The following SUN1 variants were observed in gnomAD, a reference collection of about 807,000 sequenced individuals.
SUN1 encodes SUN domain-containing protein 1.
A neutral mutation model predicts 103.2 loss-of-function variants in SUN1; 61 were observed. The observed-to-expected ratio is 0.59, with a 90% confidence interval of 0.48 to 0.73. SUN1 has a LOEUF of 0.73. Ranked by LOEUF, SUN1 falls within the 30% of genes least tolerant of loss-of-function variation. The pLI, the probability that SUN1 is intolerant of heterozygous loss-of-function variation, is 0.00. For missense variants in SUN1, 1,052 were observed against 1,034.6 expected (o/e 1.02, Z -0.23); for synonymous variants, 490 against 425.7 (o/e 1.15, Z -1.86).
upstream of SUN1, among the ~76,000 whole-genome samples, chr7:828,242 G>A (rs10237857): frequency 0.18 from 25,265 of 137,358 alleles, 2,499 homozygotes; most frequent in East Asian, 0.36. Context: ...ATATATGTAT[G>A]TTTTTGTTTT....
chr7:827,358 T>G (rs1793171571), intron 1 of SUN1, among the ~76,000 whole-genome samples: 1 of 151,778 alleles, frequency 6.6e-6, no homozygotes, highest in Non-Finnish European at 1.5e-5. Context: ...TTTTCAGCCT[T>G]GTATGAAGAT....
chr7:863,648 C>A (rs79820034), intron 15 of SUN1, among the ~76,000 whole-genome samples: 5,320 of 152,268 alleles, frequency 0.035, 314 homozygotes, highest in African/African-American at 0.12. Flanking sequence ...CCGCAAGTAG[C>A]CATCCTCACA....
intron 7 of SUN1, 50 bp downstream of exon 7, chr7:852,093 G>A: frequency 6.7e-7 from 1 of 1,499,152 alleles, no homozygotes; most frequent in Non-Finnish European, 9.3e-7. Context: ...AACCAATTTT[G>A]TGCCAATTGC....
chr7:821,264 T>G (rs1785725837), intron 1 of SUN1, among the ~76,000 whole-genome samples: 2 of 142,240 alleles, frequency 1.4e-5, no homozygotes, highest in African/African-American at 5.2e-5. Context: ...CTGCCTCCCA[T>G]GTTCAAGTGA....
intron 3 of SUN1, 59 bp downstream of exon 3, chr7:842,189 G>C: frequency 6.4e-7 from 1 of 1,574,346 alleles, no homozygotes; most frequent in Middle Eastern, 1.8e-4. Flanking sequence ...CTCAGATTAT[G>C]CTGGGGAGAG....
intron 1 of SUN1, among the ~76,000 whole-genome samples, chr7:824,788 T>C (rs6951803): frequency 0.016 from 2,454 of 152,256 alleles, 83 homozygotes; most frequent in African/African-American, 0.056. Context: ...GCATCTTGGC[T>C]AGGAACTATC....
At chr7:844,356 G>A (rs1813094339) in intron 5 of SUN1, among the ~76,000 whole-genome samples, 1 of 152,244 alleles carries the variant, frequency 6.6e-6, no homozygotes, top group Non-Finnish European at 1.5e-5. Flanking sequence ...GTGCCTGGAG[G>A]TGCTGGAAGC....
chr7:837,801 G>A (rs1236017462), intron 1 of SUN1, among the ~76,000 whole-genome samples: 1 of 152,244 alleles, frequency 6.6e-6, no homozygotes, highest in Admixed American at 6.5e-5. Flanking sequence ...ATACCTGTCT[G>A]TAGGAACCAT....
At chr7:834,518 C>A (rs1481862256) in intron 1 of SUN1, among the ~76,000 whole-genome samples, 1 of 152,200 alleles carries the variant, frequency 6.6e-6, no homozygotes, top group African/African-American at 2.4e-5. Flanking sequence ...CTCCCGCAGA[C>A]CTTGCCACCT....
chr7:848,751 C>G (rs569082452), intron 5 of SUN1: 25 of 485,758 alleles, frequency 5.1e-5, no homozygotes, highest in Admixed American at 1.7e-4. Context: ...CCTGGCTTCC[C>G]CCTCTGGATC....
chr7:833,928 CCT>C (rs1259602856), intron 1 of SUN1, among the ~76,000 whole-genome samples: 1 of 152,188 alleles, frequency 6.6e-6, no homozygotes, highest in African/African-American at 2.4e-5. Flanking sequence ...TTTTAAAATG[CCT>C]CTGTTTCTTT....
intron 17 of SUN1, 26 bp from the exon 18 acceptor site, chr7:872,444 A>G (rs1347493063): frequency 1.9e-6 from 3 of 1,569,148 alleles, no homozygotes; most frequent in Non-Finnish European, 2.6e-6. Flanking sequence ...CCATTCGTTC[A>G]TAATTGTGTA....
intron 12 of SUN1, among the ~76,000 whole-genome samples, chr7:856,610 C>T (rs1297789678): frequency 1.3e-5 from 2 of 152,132 alleles, no homozygotes; most frequent in African/African-American, 2.4e-5. Context: ...CTCCACGCGG[C>T]GTGGACCTCT....
intron 5 of SUN1, among the ~76,000 whole-genome samples, chr7:845,837 A>G (rs1815035855): frequency 6.6e-6 from 1 of 152,198 alleles, no homozygotes; most frequent in Non-Finnish European, 1.5e-5. Flanking sequence ...AAAATGAGGT[A>G]AAATTCAGAT....
chr7:839,296 G>A (rs936865857), intron 2 of SUN1: 4 of 299,194 alleles, frequency 1.3e-5, no homozygotes, highest in African/African-American at 8.6e-5. Context: ...GTCCTGTGGT[G>A]GGAGCTCAGC....
chr7:848,359 C>G (rs1818551051), intron 5 of SUN1: 1 of 1,299,816 alleles, frequency 7.7e-7, no homozygotes, highest in Admixed American at 2.6e-5. Context: ...CCTGACTTAT[C>G]AGGAAGTAGA....
chr7:826,206 C>T (rs760808281), intron 1 of SUN1, among the ~76,000 whole-genome samples: 2 of 150,470 alleles, frequency 1.3e-5, no homozygotes, highest in African/African-American at 2.4e-5. Context: ...CTAGCCTGGG[C>T]GACAGAATGA....
intron 1 of SUN1, chr7:817,166 C>T (rs983427101): frequency 2.2e-5 from 11 of 504,026 alleles, no homozygotes; most frequent in Non-Finnish European, 3.9e-5. Context: ...CGCTGTGTTT[C>T]CCAGGCTGGT....
chr7:827,431 A>T (rs115436857), intron 1 of SUN1, among the ~76,000 whole-genome samples: 1 of 151,064 alleles, frequency 6.6e-6, no homozygotes, highest in Non-Finnish European at 1.5e-5. Flanking sequence ...AGTAGACTCA[A>T]GTGATATGGA....
Sources: allele counts gnomAD v4.1 joint callset (sites outside exome capture counted in the v4.1 genomes callset), GRCh38; gene constraint gnomAD v4.1.1; transcripts MANE v1.5; gene names NCBI Gene and HGNC (gene_info 2026-07-23, HGNC 2026-07-21).